Variants in TMEM272 observed in about 807,000 individuals in gnomAD.
TMEM272 encodes the protein long intergenic non-protein coding RNA 282.
Under a neutral mutation model 3.7 loss-of-function variants are expected in TMEM272, and 8 were observed. The observed-to-expected ratio is 2.17, with a 90% CI of 1.27 to 3.91. The LOEUF is 3.91. TMEM272 is among the 30% of genes most tolerant of loss of function. The probability of loss-of-function intolerance (pLI) is 0.00; values close to 1 mark genes in which losing one functional copy is unlikely to be tolerated. For missense variants in TMEM272, 166 were observed against 91.5 expected (o/e 1.81, Z -3.32); for synonymous variants, 63 against 39.8 (o/e 1.58, Z -2.20).
chr13:51,826,837 G>A (rs956196548), intron 2 of TMEM272, among the ~76,000 whole-genome samples: 2 of 152,170 alleles, frequency 1.3e-5, no homozygotes, highest in Non-Finnish European at 2.9e-5. Context: ...AACATCTCTC[G>A]TGATCACTTT....
chr13:51,853,586 A>G, the TMEM272 span, among the ~76,000 whole-genome samples: 19 of 152,344 alleles, frequency 1.2e-4, no homozygotes, highest in African/African-American at 2.9e-4. Context: ...AAATTCATGT[A>G]TAAGTGGACC....
At chr13:51,865,816 C>A in the TMEM272 span, 13 of 1,614,044 alleles carry the variant, frequency 8.1e-6, no homozygotes, top group African/African-American at 1.2e-4. Flanking sequence ...GGGAAAGAGA[C>A]CGGAACCTTC....
the TMEM272 span, among the ~76,000 whole-genome samples, chr13:51,877,792 A>G: frequency 6.6e-6 from 1 of 152,202 alleles, no homozygotes; most frequent in East Asian, 1.9e-4. Context: ...GTATGATTTT[A>G]TTTCAGTTAT....
At chr13:51,911,121 T>C in the TMEM272 span, among the ~76,000 whole-genome samples, 1 of 152,256 alleles carries the variant, frequency 6.6e-6, no homozygotes, top group Non-Finnish European at 1.5e-5. Context: ...TGTTTCAGTA[T>C]CTGTTGCCTG....
Position 51,815,878 on chromosome 13 carries a change from A to G in TMEM272, c.*873T>C, listed in dbSNP as rs1956018185. 1 of 152,238 alleles carries G rather than the reference A, an allele frequency of 6.6e-6. No homozygotes were observed. The highest frequency in any genetic ancestry group is 1.5e-5 in the Non-Finnish European group (1 of 68,044). 9.4% of individuals were successfully genotyped at this position (152,238 alleles called of 1,614,324 possible). A position where few individuals can be genotyped will look rare whatever the true frequency, so the allele number is the denominator to read the frequency against. On this transcript the variant is annotated 3_prime_UTR_variant, in exon 5 of 5. Coordinates refer to ENST00000629372, the MANE Select transcript of TMEM272 (RefSeq NM_001351003.2). Reference sequence around the variant, plus strand: ...TTAGGTTGAGGAGCTATTATTCGATATTTAAGCTCAGAAACCAAAAACAGC... The same window carrying G: ...TTAGGTTGAGGAGCTATTATTCGATGTTTAAGCTCAGAAACCAAAAACAGC...
At chr13:51,831,269 A>G (rs568243799) in intron 2 of TMEM272, among the ~76,000 whole-genome samples, 12 of 152,230 alleles carry the variant, frequency 7.9e-5, no homozygotes, top group African/African-American at 2.6e-4. Context: ...AAAAAACACA[A>G]AAATTAGCCA....
the TMEM272 span, among the ~76,000 whole-genome samples, chr13:51,927,079 G>T: frequency 5.3e-5 from 8 of 152,122 alleles, no homozygotes; most frequent in Admixed American, 5.2e-4. Context: ...GGCAATATCA[G>T]CTTCTTTGAG....
chr13:51,885,797 T>C, the TMEM272 span, among the ~76,000 whole-genome samples: 1 of 152,204 alleles, frequency 6.6e-6, no homozygotes, highest in African/African-American at 2.4e-5. Context: ...TCTTGTGGAA[T>C]TGAATGTCTT....
chr13:51,869,225 C>G, the TMEM272 span, among the ~76,000 whole-genome samples: 1 of 152,184 alleles, frequency 6.6e-6, no homozygotes, highest in Non-Finnish European at 1.5e-5. Flanking sequence ...GTGTCATGAT[C>G]AAGGTCTGAC....
chr13:51,915,162 G>A, the TMEM272 span, among the ~76,000 whole-genome samples: 1 of 152,304 alleles, frequency 6.6e-6, no homozygotes, highest in South Asian at 2.1e-4. Flanking sequence ...CTTTTATCCT[G>A]TGCTTTGGGG....
intron 4 of TMEM272, among the ~76,000 whole-genome samples, chr13:51,821,677 A>G (rs1956079767): frequency 7.3e-6 from 1 of 136,448 alleles, no homozygotes; most frequent in Non-Finnish European, 1.5e-5. Flanking sequence ...TCAAAAAAAA[A>G]AAAAAAAAAA....
the TMEM272 span, among the ~76,000 whole-genome samples, chr13:51,904,424 G>GATGATC: frequency 6.6e-6 from 1 of 152,090 alleles, no homozygotes; most frequent in Admixed American, 6.5e-5. Flanking sequence ...AATGATAATT[G>GATGATC]ATGATCATGA....
At chr13:51,819,252 A>G (rs1956059106) in intron 4 of TMEM272, among the ~76,000 whole-genome samples, 1 of 152,132 alleles carries the variant, frequency 6.6e-6, no homozygotes, top group South Asian at 2.1e-4. Flanking sequence ...GGGTAGGGGA[A>G]AAACCAATTG....
rs1198360761 is a variant in TMEM272 at position 51,817,132 on chromosome 13, C to T, written c.202-19G>A. 2 of 693,816 alleles carry T rather than the reference C, an allele frequency of 2.9e-6. No homozygotes were observed. The highest frequency in any genetic ancestry group is 5.3e-6 in the Non-Finnish European group (2 of 378,334). 43.0% of individuals were successfully genotyped at this position (693,816 alleles called of 1,614,324 possible). ...GAGACACCTGGGGCGTGGTGGGGAG[C>T]CAGGGTGGCAAGGCAGAGCAGCAAA... On this transcript the variant is annotated intron_variant, in intron 4 of 4. Transcript: ENST00000629372.
chr13:51,916,588 A>G, the TMEM272 span, among the ~76,000 whole-genome samples: 2 of 152,326 alleles, frequency 1.3e-5, no homozygotes, highest in African/African-American at 2.4e-5. Context: ...TGGCCCTTCC[A>G]GCCATCCGAG....
At chr13:51,832,602 C>A (rs1490052449) in intron 2 of TMEM272, among the ~76,000 whole-genome samples, 2 of 152,114 alleles carry the variant, frequency 1.3e-5, no homozygotes, top group African/African-American at 4.8e-5. Flanking sequence ...AAACCCCAGT[C>A]ACCCAAACCA....
At chr13:51,857,186 C>T in the TMEM272 span, among the ~76,000 whole-genome samples, 1 of 150,980 alleles carries the variant, frequency 6.6e-6, no homozygotes, top group Non-Finnish European at 1.5e-5. Context: ...CATTTGTTTA[C>T]ACAGCAGTGG....
the TMEM272 span, among the ~76,000 whole-genome samples, chr13:51,920,370 A>C: frequency 6.6e-6 from 1 of 152,192 alleles, no homozygotes; most frequent in Non-Finnish European, 1.5e-5. Flanking sequence ...TGTGCCAGGC[A>C]GCACAGGTGA....
At chr13:51,928,462 A>C in the TMEM272 span, among the ~76,000 whole-genome samples, 2 of 152,246 alleles carry the variant, frequency 1.3e-5, no homozygotes, top group African/African-American at 4.8e-5. Flanking sequence ...CCATTTGTGC[A>C]GATGAGAAGG....
Sources: gnomAD v4.1 joint callset for allele counts (sites outside exome capture counted in the v4.1 genomes callset) on GRCh38, gnomAD v4.1.1 for gene constraint, MANE v1.5 for transcripts, NCBI Gene and HGNC (gene_info 2026-07-23, HGNC 2026-07-21) for gene names.